Variants in BPHL observed in about 807,000 individuals in gnomAD.
BPHL encodes the protein biphenyl hydrolase like, also known as serine hydrolase BPHL.
BPHL carries 27 observed loss-of-function variants against 31.2 expected under a neutral mutation model. The observed-to-expected ratio is 0.87, with a 90% CI of 0.64 to 1.19. The LOEUF (loss-of-function observed/expected upper bound fraction) is 1.19, where lower values mean the gene tolerates loss of function less well. Ranked by LOEUF, BPHL falls within the 50% of genes most tolerant of loss-of-function variation. The pLI is 0.00. For missense variants in BPHL, 356 were observed against 375.7 expected (o/e 0.95, Z 0.43); for synonymous variants, 150 against 146.8 (o/e 1.02, Z -0.16).
intron 2 of BPHL, among the ~76,000 whole-genome samples, chr6:3,126,288 T>C (rs1487012095): frequency 1.3e-5 from 2 of 152,196 alleles, no homozygotes; most frequent in Non-Finnish European, 2.9e-5. Flanking sequence ...AGAATTCTAC[T>C]TTGAATAACT....
chr6:3,125,084 T>C (rs1446403266), intron 2 of BPHL, among the ~76,000 whole-genome samples: 1 of 151,892 alleles, frequency 6.6e-6, no homozygotes, highest in African/African-American at 2.4e-5. Flanking sequence ...AGTCTCACTG[T>C]TGCCCAGGCT....
At chr6:3,146,650 G>A (rs575155902) in intron 6 of BPHL, among the ~76,000 whole-genome samples, 162 of 145,440 alleles carry the variant, frequency 1.1e-3, no homozygotes, top group Non-Finnish European at 1.7e-3. Context: ...GTGCTGGTTC[G>A]GGGTGGAGTG....
At chr6:3,129,454 T>C (rs571750379) in intron 4 of BPHL, among the ~76,000 whole-genome samples, 1 of 152,372 alleles carries the variant, frequency 6.6e-6, no homozygotes, top group African/African-American at 2.4e-5. Context: ...TATTTACTAC[T>C]ACTGATAATG....
At chr6:3,134,134 A>C (rs1344810392) in intron 4 of BPHL, among the ~76,000 whole-genome samples, 1 of 151,930 alleles carries the variant, frequency 6.6e-6, no homozygotes, top group Non-Finnish European at 1.5e-5. Context: ...ATGTATTTTT[A>C]TTGGTGAAAA....
chr6:3,147,936 G>A (rs1050978052), intron 6 of BPHL, among the ~76,000 whole-genome samples: 12 of 152,220 alleles, frequency 7.9e-5, no homozygotes, highest in South Asian at 4.1e-4. Flanking sequence ...GGAATTCCCT[G>A]TTCTCAGCCT....
In BPHL at chr6:3,152,323, T is replaced by C. The variant is rs190877182; in HGVS notation, c.789-165T>C. 1.9e-3 allele frequency among the ~76,000 whole-genome samples: 293 copies of C among 152,346 alleles called. 3 individuals are homozygous for C. The Middle Eastern group carries it at 0.024, about 12-fold the overall frequency. The stretch of plus-strand genomic sequence containing the variant: ...ACTCCAAGAGTTTCACGTGTCTGAC[T>C]ATATTCTTAGGAGATTGATGGGTTA... On this transcript the variant is annotated intron_variant, in intron 6 of 6. Coordinates refer to ENST00000380379, the MANE Select transcript of BPHL (RefSeq NM_004332.4).
intron 2 of BPHL, 96 bp from the exon 3 acceptor site, chr6:3,127,146 T>A: frequency 1.2e-6 from 1 of 842,428 alleles, no homozygotes; most frequent in Non-Finnish European, 1.8e-6. Flanking sequence ...GAGTAGAAAC[T>A]ACTTTGCTTT....
chr6:3,146,213 G>T lies in BPHL; in HGVS notation c.788+5704G>T, dbSNP rs71547247. Among the ~76,000 whole-genome samples, 112 of 20,376 alleles carry T rather than the reference G, an allele frequency of 5.5e-3. 24 individuals carry two copies. The highest frequency in any genetic ancestry group is 0.05 in the Middle Eastern group (1 of 20). The allele number at this position is 20,376 out of a possible 152,430, so 13.4% of individuals were successfully genotyped here. A position where few individuals can be genotyped will look rare whatever the true frequency, so the allele number is the denominator to read the frequency against. The stretch of plus-strand genomic sequence containing the variant: ...TGCTGGTTCGGGGTGGAGTGCTGGT[G>T]TGGGTTGGAGTGCTGGTTCTGGTTG... On this transcript the variant is annotated intron_variant, in intron 6 of 6. Transcript: ENST00000380379.
chr6:3,141,458 C>T (rs1249027458), intron 6 of BPHL, among the ~76,000 whole-genome samples: 1 of 152,166 alleles, frequency 6.6e-6, no homozygotes, highest in African/African-American at 2.4e-5. Context: ...ACCTCCGCCT[C>T]CCAGGTTCAA....
chr6:3,137,723 C>T (rs1054713583), intron 5 of BPHL, among the ~76,000 whole-genome samples: 23 of 152,176 alleles, frequency 1.5e-4, no homozygotes, highest in Admixed American at 1.5e-3. Flanking sequence ...ATTGTTGAGT[C>T]TTTAATAGCA....
intron 6 of BPHL, among the ~76,000 whole-genome samples, chr6:3,148,713 C>T (rs781113717): frequency 2.0e-5 from 3 of 152,220 alleles, no homozygotes; most frequent in African/African-American, 7.2e-5. Flanking sequence ...CTTGTGGGCT[C>T]GTTACAGGAT....
intron 1 of BPHL, among the ~76,000 whole-genome samples, chr6:3,122,636 T>C (rs1318076636): frequency 2.0e-5 from 3 of 152,194 alleles, no homozygotes; most frequent in African/African-American, 7.2e-5. Flanking sequence ...CTAAGTGTGG[T>C]CCAGTTAGAT....
chr6:3,127,281 TC>T lies in BPHL; in HGVS notation c.252del (p.Asn85IlefsTer40). ...ETDFGPQLKNLNKKLFTVVAW... is the reference protein window; with the variant it reads ...ETDFGPQLKNXNKKLFTVVAW... ...GATTTTGGACCTCAGCTCAAGAACC[TC>T]AATAAGAAGCTCTTCACGGTGGTCG... On this transcript the variant is annotated frameshift_variant, in exon 3 of 7. Coordinates refer to ENST00000380379, the MANE Select transcript of BPHL (RefSeq NM_004332.4). LOFTEE classifies it high-confidence loss of function. The T allele has an allele frequency of 6.3e-7, 1 of 1,591,828 alleles. No individual in the cohort carries two copies.
At chr6:3,123,614 A>G (rs757570329) in intron 1 of BPHL, 43 bp from the exon 2 acceptor site, 1 of 1,554,884 alleles carries the variant, frequency 6.4e-7, no homozygotes, top group East Asian at 2.3e-5. Flanking sequence ...AAATCTTCCC[A>G]TCTCCCCTTT....
intron 6 of BPHL, among the ~76,000 whole-genome samples, chr6:3,143,851 G>A (rs1370303599): frequency 3.3e-5 from 5 of 152,218 alleles, no homozygotes; most frequent in African/African-American, 9.6e-5. Context: ...CCAGAGGCCC[G>A]GTTCTGGGTT....
chr6:3,123,188 T>G (rs990332334), intron 1 of BPHL, among the ~76,000 whole-genome samples: 4 of 152,176 alleles, frequency 2.6e-5, no homozygotes, highest in African/African-American at 9.7e-5. Flanking sequence ...TTCAAACTCA[T>G]GTCACTGTTC....
At position 3,127,276 on chromosome 6, in the gene BPHL, G is replaced by T. The variant is rs774464747; in HGVS notation, c.246G>T (p.Lys82Asn). 4.4e-6 allele frequency: 7 copies of T among 1,586,794 alleles called. No individual in the cohort carries two copies. In the South Asian group the frequency reaches 8.0e-5, roughly 18 times the overall value. The change falls in exon 3 of 7, where the codon AAG (lysine) becomes AAT (asparagine). Residue 82 changes from lysine to asparagine, a missense_variant. Coordinates refer to ENST00000380379, the MANE Select transcript of BPHL (RefSeq NM_004332.4). ...AGACTGATTTTGGACCTCAGCTCAA[G>T]AACCTCAATAAGAAGCTCTTCACGG... Reference protein sequence around the residue: ...SGETDFGPQLKNLNKKLFTVV... With the variant: ...SGETDFGPQLNNLNKKLFTVV...
chr6:3,121,291 CTTTTTTTTTT>C lies in BPHL; in HGVS notation c.108-2348_108-2339del, dbSNP rs67332286. On this transcript the variant is annotated intron_variant, in intron 1 of 6. Transcript: ENST00000380379. ...ACATACAATATGATAATAGCAGTTT[CTTTTTTTTTT>C]TTTTTTTTTTTTTTTTTGAGACGGA... Among the ~76,000 whole-genome samples the C allele has an allele frequency of 8.8e-3, 704 of 80,406 alleles. 15 individuals carry two copies. Among genetic ancestry groups the C allele is most frequent in the African/African-American group, 0.035 (680 of 19,452 alleles). The allele number at this position is 80,406 out of a possible 152,430, so 52.7% of individuals were successfully genotyped here.
Position 3,125,732 on chromosome 6 carries a change from C to G in BPHL, c.212-1510C>G, listed in dbSNP as rs557745382. Among the ~76,000 whole-genome samples the G allele has an allele frequency of 7.9e-4, 120 of 152,224 alleles. 3 individuals are homozygous for G. In the South Asian group the frequency reaches 0.023, roughly 30 times the overall value. The stretch of plus-strand genomic sequence containing the variant: ...ACAGCAGCAGATGTGGGCTGGAGAT[C>G]TATTCATTTGGTTTTGGCTTGAATT... On this transcript the variant is annotated intron_variant, in intron 2 of 6. Coordinates refer to ENST00000380379, the MANE Select transcript of BPHL (RefSeq NM_004332.4).
Sources: gnomAD v4.1 joint callset for allele counts (sites outside exome capture counted in the v4.1 genomes callset) on GRCh38, gnomAD v4.1.1 for gene constraint, MANE v1.5 for transcripts, NCBI Gene and HGNC (gene_info 2026-07-23, HGNC 2026-07-21) for gene names.